GJB3: variants seen among roughly 807,000 people sequenced by gnomAD.
GJB3 encodes the protein gap junction beta-3 protein.
In GJB3, 6 loss-of-function variants were observed where a neutral mutation model predicts 8.1. That is an observed-to-expected ratio of 0.75 (90% CI 0.41 to 1.47). The LOEUF is 1.47. Ranked by LOEUF, GJB3 falls within the 40% of genes most tolerant of loss-of-function variation. The pLI, the probability that GJB3 is intolerant of heterozygous loss-of-function variation, is 0.02. For synonymous variants in GJB3, 137 were observed against 156.4 expected (o/e 0.88, Z 0.93); for missense variants, 348 against 365.6 (o/e 0.95, Z 0.39).
At position 34,785,331 on chromosome 1, in the gene GJB3, TC is replaced by T. The variant is rs767081392; in HGVS notation, c.570del (p.Phe190LeufsTer78). 49 of 1,613,800 alleles carry T rather than the reference TC, an allele frequency of 3.0e-5. No individual in the cohort carries two copies. The highest frequency in any genetic ancestry group is 4.1e-5 in the Non-Finnish European group (48 of 1,179,976). On this transcript the variant is annotated frameshift_variant, in exon 2 of 2. Coordinates refer to ENST00000373366, the MANE Select transcript of GJB3 (RefSeq NM_024009.3). LOFTEE classifies it low-confidence loss of function (END_TRUNC). The surrounding 1 kb of genome is among the most constrained non-coding windows in gnomAD (Gnocchi z 4.7). Reference protein sequence around the residue: ...RPTEKKIFTYFMVGASAVCIV... With the variant: ...RPTEKKIFTYXMVGASAVCIV... Reference sequence around the variant, plus strand: ...ACCGAGAAGAAAATCTTCACCTACTTCATGGTGGGCGCCTCCGCCGTCTGCA... The same window carrying T: ...ACCGAGAAGAAAATCTTCACCTACTTATGGTGGGCGCCTCCGCCGTCTGCA...
Position 34,784,784 on chromosome 1 carries a change from G to T in GJB3, c.22G>T (p.Ala8Ser). The T allele has an allele frequency of 6.2e-7, 1 of 1,614,144 alleles. No homozygotes were observed. Among genetic ancestry groups the T allele is most frequent in the Non-Finnish European group, 8.5e-7 (1 of 1,179,982 alleles). MDWKTLQALLSGVNKYST... is the reference protein window; with the variant it reads MDWKTLQSLLSGVNKYST... ...CGCCATGGACTGGAAGACACTCCAG[G>T]CCCTACTGAGCGGTGTGAACAAGTA... The change falls in exon 2 of 2, where the codon GCC (alanine) becomes TCC (serine). Residue 8 changes from alanine to serine, a missense_variant. Transcript: ENST00000373366.
intron 1 of GJB3, among the ~76,000 whole-genome samples, chr1:34,783,487 T>C (rs1640047851): frequency 6.6e-6 from 1 of 152,182 alleles, no homozygotes; most frequent in Non-Finnish European, 1.5e-5. Context: ...GGGGTTTTGC[T>C]AAGCCTAGCG....
At chr1:34,782,903 T>C (rs1319028577) in intron 1 of GJB3, among the ~76,000 whole-genome samples, 1 of 152,130 alleles carries the variant, frequency 6.6e-6, no homozygotes, top group African/African-American at 2.4e-5. Flanking sequence ...AACTCAGCAT[T>C]CATTTGTTTA....
chr1:34,786,198 A>G lies in GJB3; in HGVS notation c.*623A>G, dbSNP rs1640113454. The G allele has an allele frequency of 1.2e-5, 2 of 168,128 alleles. No individual in the cohort carries two copies. The highest frequency in any genetic ancestry group is 2.9e-5 in the Non-Finnish European group (2 of 68,962). 10.4% of individuals were successfully genotyped at this position (168,128 alleles called of 1,614,324 possible). A position where few individuals can be genotyped will look rare whatever the true frequency, so the allele number is the denominator to read the frequency against. The stretch of plus-strand genomic sequence containing the variant: ...GCTCAGTGGAAGCCCTCTTTCCCCA[A>G]ATCCTACTCCCTCAGCCTCAGGCAG... On this transcript the variant is annotated 3_prime_UTR_variant, in exon 2 of 2. Coordinates refer to ENST00000373366, the MANE Select transcript of GJB3 (RefSeq NM_024009.3). This position sits in a 1 kb window ranked among gnomAD's most constrained non-coding sequence, Gnocchi z 4.4.
rs983132780 is a variant in GJB3, at chr1:34,785,677, G to T, written c.*102G>T. The T allele has an allele frequency of 1.1e-5, 10 of 895,132 alleles. No individual in the cohort carries two copies. In the East Asian group the frequency reaches 2.6e-4, roughly 23 times the overall value. 55.4% of individuals were successfully genotyped at this position (895,132 alleles called of 1,614,324 possible). On this transcript the variant is annotated 3_prime_UTR_variant, in exon 2 of 2. Transcript: ENST00000373366. This position sits in a 1 kb window ranked among gnomAD's most constrained non-coding sequence, Gnocchi z 4.7. ...CAGGGGCTGAGTGACCCCACTCTGAGTTCACTAAGTTATGCAACTTTCGTT... is the reference window on the plus strand; with the variant it reads ...CAGGGGCTGAGTGACCCCACTCTGATTTCACTAAGTTATGCAACTTTCGTT...
chr1:34,782,002 C>G (rs890754591), intron 1 of GJB3, among the ~76,000 whole-genome samples: 1 of 152,194 alleles, frequency 6.6e-6, no homozygotes, highest in Non-Finnish European at 1.5e-5. Context: ...GGTTCCGAGA[C>G]ACCCCCTCCC....
Position 34,785,494 on chromosome 1 carries a change from G to A in GJB3, c.732G>A (p.Lys244=). Residue 244 remains lysine, a synonymous_variant, in exon 2 of 2, where the codon AAG becomes AAA. Transcript: ENST00000373366. This position sits in a 1 kb window ranked among gnomAD's most constrained non-coding sequence, Gnocchi z 4.7. The part of the protein sequence containing the change: ...SRASTCRCHH[K]LVEAGEVDPD... ...CTTCCACCTGCCGCTGCCACCACAA[G>A]CTGGTGGAGGCTGGGGAGGTGGATC... 1 of 1,614,104 alleles carries A rather than the reference G, an allele frequency of 6.2e-7. No homozygotes were observed. Among genetic ancestry groups the A allele is most frequent in the Non-Finnish European group, 8.5e-7 (1 of 1,180,006 alleles).
At position 34,785,144 on chromosome 1, in the gene GJB3, T is replaced by C; in HGVS notation, c.382T>C (p.Trp128Arg). The C allele has an allele frequency of 3.7e-6, 6 of 1,614,142 alleles. No individual in the cohort carries two copies. In the South Asian group the frequency reaches 6.6e-5, roughly 18 times the overall value. ...DNAGKKHGGL[W>R]WTYLFSLIFK... ...CGCAGGCAAGAAGCACGGAGGCCTGTGGTGGACCTACCTGTTCAGCCTCAT... is the reference window on the plus strand; with the variant it reads ...CGCAGGCAAGAAGCACGGAGGCCTGCGGTGGACCTACCTGTTCAGCCTCAT... The change falls in exon 2 of 2, where the codon TGG becomes CGG. Residue 128 changes from tryptophan (W) to arginine (R), a missense_variant. Physicochemically the swap from Trp to Arg is moderately radical, Grantham distance 101. Coordinates refer to ENST00000373366, the MANE Select transcript of GJB3 (RefSeq NM_024009.3). The surrounding 1 kb of genome is among the most constrained non-coding windows in gnomAD (Gnocchi z 4.7).
At position 34,781,275 on chromosome 1, in the gene GJB3, C is replaced by G. The variant is rs1276391017; in HGVS notation, c.-529C>G. The stretch of plus-strand genomic sequence containing the variant: ...CCCCACCCCAGCTCTCCAAAGCCCA[C>G]CGGCCTCCCTGGAGGCCGAGGTCGA... On this transcript the variant is annotated 5_prime_UTR_variant, in exon 1 of 2. Transcript: ENST00000373366. This position sits in a 1 kb window ranked among gnomAD's most constrained non-coding sequence, Gnocchi z 6.2. The G allele has an allele frequency of 6.6e-6, 1 of 152,116 alleles. No individual in the cohort carries two copies. The highest frequency in any genetic ancestry group is 2.4e-5 in the African/African-American group (1 of 41,378). 9.4% of individuals were successfully genotyped at this position (152,116 alleles called of 1,614,324 possible). A position where few individuals can be genotyped will look rare whatever the true frequency, so the allele number is the denominator to read the frequency against.
rs1363395629 is a variant in GJB3 at position 34,785,204 on chromosome 1, C to G, written c.442C>G (p.Leu148Val). 152 of 1,614,078 alleles carry G rather than the reference C, an allele frequency of 9.4e-5. No individual in the cohort carries two copies. Among genetic ancestry groups the G allele is most frequent in the Non-Finnish European group, 1.3e-4 (152 of 1,180,048 alleles). Reference sequence around the variant, plus strand: ...CATCATTGAGTTCCTCTTCCTCTACCTGCTGCACACTCTCTGGCATGGCTT... The same window carrying G: ...CATCATTGAGTTCCTCTTCCTCTACGTGCTGCACACTCTCTGGCATGGCTT... ...KLIIEFLFLY[L>V]LHTLWHGFNM... Residue 148 changes from leucine (L) to valine (V), a missense_variant, in exon 2 of 2, where the codon CTG becomes GTG. Coordinates refer to ENST00000373366, the MANE Select transcript of GJB3 (RefSeq NM_024009.3). This position sits in a 1 kb window ranked among gnomAD's most constrained non-coding sequence, Gnocchi z 4.7.
At position 34,785,695 on chromosome 1, in the gene GJB3, C is replaced by T. The variant is rs1057515479; in HGVS notation, c.*120C>T. On this transcript the variant is annotated 3_prime_UTR_variant, in exon 2 of 2. Coordinates refer to ENST00000373366, the MANE Select transcript of GJB3 (RefSeq NM_024009.3). The surrounding 1 kb of genome is among the most constrained non-coding windows in gnomAD (Gnocchi z 4.7). ...ACTCTGAGTTCACTAAGTTATGCAA[C>T]TTTCGTTTTGGCAGATATTTTTTGA... 4.9e-6 allele frequency: 4 copies of T among 811,416 alleles called. No homozygotes were observed. The highest frequency in any genetic ancestry group is 8.0e-6 in the Non-Finnish European group (4 of 498,690). 50.3% of individuals were successfully genotyped at this position (811,416 alleles called of 1,614,324 possible). A position where few individuals can be genotyped will look rare whatever the true frequency, so the allele number is the denominator to read the frequency against.
rs145436095 is a variant in GJB3 at position 34,785,134 on chromosome 1, C to T, written c.372C>T (p.His124=). 184 of 1,614,164 alleles carry T rather than the reference C, an allele frequency of 1.1e-4. No individual in the cohort carries two copies. The highest frequency in any genetic ancestry group is 4.9e-4 in the Middle Eastern group (3 of 6,062). ...TGTACGACAACGCAGGCAAGAAGCA[C>T]GGAGGCCTGTGGTGGACCTACCTGT... The part of the protein sequence containing the change: ...AKLYDNAGKK[H]GGLWWTYLFS... Residue 124 remains histidine (H), a synonymous_variant, in exon 2 of 2, where the codon CAC becomes CAT. Coordinates refer to ENST00000373366, the MANE Select transcript of GJB3 (RefSeq NM_024009.3). This position sits in a 1 kb window ranked among gnomAD's most constrained non-coding sequence, Gnocchi z 4.7.
Position 34,784,912 on chromosome 1 carries a change from C to T in GJB3, c.150C>T (p.Asp50=). ...GCGTGTGGGGGGATGAGCAGAAGGA[C>T]TTTGACTGCAACACCAAGCAGCCCG... ...AERVWGDEQK[D]FDCNTKQPGC... is the part of the protein sequence containing the mutation. Residue 50 remains aspartate (D), a synonymous_variant, in exon 2 of 2, where the codon GAC becomes GAT. Coordinates refer to ENST00000373366, the MANE Select transcript of GJB3 (RefSeq NM_024009.3). 1 of 1,614,178 alleles carries T rather than the reference C, an allele frequency of 6.2e-7. No homozygotes were observed.
At chr1:34,784,129 T>C (rs1640059463) in intron 1 of GJB3, among the ~76,000 whole-genome samples, 1 of 152,204 alleles carries the variant, frequency 6.6e-6, no homozygotes, top group African/African-American at 2.4e-5. Context: ...AGTATAGTAG[T>C]GAGGCATCCA....
Position 34,785,697 on chromosome 1 carries a change from T to G in GJB3, c.*122T>G. 1.3e-6 allele frequency: 1 copy of G among 799,048 alleles called. No individual in the cohort carries two copies. Among genetic ancestry groups the G allele is most frequent in the Non-Finnish European group, 2.1e-6 (1 of 487,794 alleles). 49.5% of individuals were successfully genotyped at this position (799,048 alleles called of 1,614,324 possible). A position where few individuals can be genotyped will look rare whatever the true frequency, so the allele number is the denominator to read the frequency against. ...TCTGAGTTCACTAAGTTATGCAACTTTCGTTTTGGCAGATATTTTTTGACA... is the reference window on the plus strand; with the variant it reads ...TCTGAGTTCACTAAGTTATGCAACTGTCGTTTTGGCAGATATTTTTTGACA... On this transcript the variant is annotated 3_prime_UTR_variant, in exon 2 of 2. Coordinates refer to ENST00000373366, the MANE Select transcript of GJB3 (RefSeq NM_024009.3). This position sits in a 1 kb window ranked among gnomAD's most constrained non-coding sequence, Gnocchi z 4.7.
Position 34,786,195 on chromosome 1 carries a change from C to T in GJB3, c.*620C>T, listed in dbSNP as rs1265734257. On this transcript the variant is annotated 3_prime_UTR_variant, in exon 2 of 2. Coordinates refer to ENST00000373366, the MANE Select transcript of GJB3 (RefSeq NM_024009.3). The surrounding 1 kb of genome is among the most constrained non-coding windows in gnomAD (Gnocchi z 4.4). ...TTGGCTCAGTGGAAGCCCTCTTTCC[C>T]CAAATCCTACTCCCTCAGCCTCAGG... 5.9e-6 allele frequency: 1 copy of T among 168,542 alleles called. No homozygotes were observed. Among genetic ancestry groups the T allele is most frequent in the African/African-American group, 2.4e-5 (1 of 41,462 alleles). The allele number at this position is 168,542 out of a possible 1,614,324, so 10.4% of individuals were successfully genotyped here. A position where few individuals can be genotyped will look rare whatever the true frequency, so the allele number is the denominator to read the frequency against.
In GJB3 at chr1:34,785,078, C is replaced by G; in HGVS notation, c.316C>G (p.Arg106Gly). Residue 106 changes from arginine (R) to glycine (G), a missense_variant, in exon 2 of 2, where the codon CGC becomes GGC. Physicochemically the swap from Arg to Gly is moderately radical, Grantham distance 125. Coordinates refer to ENST00000373366, the MANE Select transcript of GJB3 (RefSeq NM_024009.3). This position sits in a 1 kb window ranked among gnomAD's most constrained non-coding sequence, Gnocchi z 4.7. ...CCGTGAGGAGCGGGAGCGCCGGCAC[C>G]GCCAGAAACACGGGGACCAGTGCGC... ...AYREERERRH[R>G]QKHGDQCAKL... 1 of 1,614,088 alleles carries G rather than the reference C, an allele frequency of 6.2e-7. No homozygotes were observed. The highest frequency in any genetic ancestry group is 8.5e-7 in the Non-Finnish European group (1 of 1,180,030).
rs765108155 is a variant in GJB3, at chr1:34,784,892, T to C, written c.130T>C (p.Trp44Arg). Residue 44 changes from tryptophan (W) to arginine (R), a missense_variant, in exon 2 of 2, where the codon TGG becomes CGG. Transcript: ENST00000373366. Reference protein sequence around the residue: ...LVYVVAAERVWGDEQKDFDCN... With the variant: ...LVYVVAAERVRGDEQKDFDCN... ...ATACGTGGTGGCTGCAGAGCGCGTG[T>C]GGGGGGATGAGCAGAAGGACTTTGA... 6.2e-7 allele frequency: 1 copy of C among 1,613,872 alleles called. No homozygotes were observed. The highest frequency in any genetic ancestry group is 8.5e-7 in the Non-Finnish European group (1 of 1,179,980).
At chr1:34,783,728 G>A (rs936102255) in intron 1 of GJB3, among the ~76,000 whole-genome samples, 1 of 152,066 alleles carries the variant, frequency 6.6e-6, no homozygotes, top group Admixed American at 6.5e-5. Context: ...CAGGCAGGCG[G>A]GTGCTCTCAC....
Sources: allele counts gnomAD v4.1 joint callset (sites outside exome capture counted in the v4.1 genomes callset), GRCh38; gene constraint gnomAD v4.1.1; non-coding constraint Gnocchi (gnomAD v3.1); transcripts MANE v1.5; gene names NCBI Gene and HGNC (gene_info 2026-07-23, HGNC 2026-07-21).